The following GREB1L variants were observed in gnomAD, a reference collection of about 807,000 sequenced individuals.
GREB1L encodes GREB1 like retinoic acid receptor coactivator, also known as GREB1-like protein.
A neutral mutation model predicts 200.8 loss-of-function variants in GREB1L; 17 were observed. The ratio of observed to expected loss-of-function variants is 0.08; its 90% CI spans 0.06 to 0.13. The LOEUF is 0.13. Among genes scored for constraint, GREB1L ranks in the 10% least tolerant of loss-of-function variants. The probability of loss-of-function intolerance (pLI) is 1.00; values close to 1 mark genes in which losing one functional copy is unlikely to be tolerated. For missense variants in GREB1L, 1,657 were observed against 2,367.7 expected, an observed-to-expected ratio of 0.70 and a Z score of 6.23; for synonymous variants, 789 against 893.0, an observed-to-expected ratio of 0.88 and a Z score of 2.08.
chr18:21,372,186 T>C (rs986198263), intron 2 of GREB1L, among the ~76,000 whole-genome samples: 9 of 151,600 alleles, frequency 5.9e-5, no homozygotes, highest in Non-Finnish European at 1.3e-4. Flanking sequence ...TCTCGCTCTG[T>C]TGCCCAGGCT....
At chr18:21,307,487 G>A (rs1331649010) in intron 1 of GREB1L, among the ~76,000 whole-genome samples, 3 of 152,166 alleles carry the variant, frequency 2.0e-5, no homozygotes, top group Non-Finnish European at 4.4e-5. Flanking sequence ...CAGCAATACA[G>A]AATAAGAGTT....
intron 7 of GREB1L, among the ~76,000 whole-genome samples, chr18:21,404,223 A>G (rs979415494): frequency 6.6e-5 from 10 of 152,212 alleles, no homozygotes; most frequent in African/African-American, 2.4e-4. Context: ...GCTGGAGCCT[A>G]GGACCTCATT....
chr18:21,295,868 A>G (rs2038518769), intron 1 of GREB1L, among the ~76,000 whole-genome samples: 1 of 152,220 alleles, frequency 6.6e-6, no homozygotes, highest in African/African-American at 2.4e-5. Flanking sequence ...TTGGCTGCAC[A>G]TGAAAATCAC....
intron 1 of GREB1L, among the ~76,000 whole-genome samples, chr18:21,318,976 G>T (rs1567934947): frequency 1.3e-5 from 2 of 152,182 alleles, no homozygotes; most frequent in South Asian, 4.1e-4. Flanking sequence ...GAGGTCTATG[G>T]GGAGCTGCTT....
At chr18:21,288,369 A>C (rs1270268845) in intron 1 of GREB1L, among the ~76,000 whole-genome samples, 1 of 152,100 alleles carries the variant, frequency 6.6e-6, no homozygotes, top group Non-Finnish European at 1.5e-5. Context: ...CATTTGTGCC[A>C]CTGCAGGGCT....
intron 7 of GREB1L, among the ~76,000 whole-genome samples, chr18:21,410,071 T>G (rs1647262135): frequency 6.6e-6 from 1 of 152,166 alleles, no homozygotes; most frequent in Non-Finnish European, 1.5e-5. Context: ...CTTTATTAAT[T>G]TATTAATAGT....
chr18:21,467,791 A>G lies in GREB1L; in HGVS notation c.2183-5240A>G, dbSNP rs1380658700. Among the ~76,000 whole-genome samples, 9 of 152,266 alleles carry G rather than the reference A, an allele frequency of 5.9e-5. 1 individual carries two copies. The highest frequency in any genetic ancestry group is 3.9e-4 in the East Asian group (2 of 5,184). On this transcript the variant is annotated intron_variant, in intron 15 of 32. Coordinates refer to ENST00000424526, the MANE Select transcript of GREB1L (RefSeq NM_001142966.3). ...TGTAATCCCAGCACTTTGGGAGGCC[A>G]AGGCGGGCGGATCACAAGGTCAGGA... is the stretch of plus-strand genomic sequence containing the variant.
intron 1 of GREB1L, among the ~76,000 whole-genome samples, chr18:21,314,360 T>C (rs536713541): frequency 2.6e-5 from 4 of 152,084 alleles, no homozygotes; most frequent in African/African-American, 9.6e-5. Context: ...GCGTGGAAAC[T>C]TTCACAGTTT....
intron 2 of GREB1L, among the ~76,000 whole-genome samples, chr18:21,366,764 C>T (rs2039694854): frequency 6.6e-6 from 1 of 151,972 alleles, no homozygotes; most frequent in African/African-American, 2.4e-5. Flanking sequence ...GCTTAAATAG[C>T]CTGGCATTTC....
chr18:21,471,893 T>C (rs572061357), intron 15 of GREB1L, among the ~76,000 whole-genome samples: 65 of 152,134 alleles, frequency 4.3e-4, no homozygotes, highest in African/African-American at 1.5e-3. Context: ...AGTGCTGGAA[T>C]TACAGGCATG....
chr18:21,492,928 G>T (rs2036398278), intron 19 of GREB1L, among the ~76,000 whole-genome samples: 1 of 152,192 alleles, frequency 6.6e-6, no homozygotes, highest in East Asian at 1.9e-4. Context: ...TCCAGCCTGT[G>T]CAACAGAGTG....
chr18:21,374,452 A>T (rs992474330), intron 2 of GREB1L, among the ~76,000 whole-genome samples: 1 of 152,228 alleles, frequency 6.6e-6, no homozygotes, highest in African/African-American at 2.4e-5. Context: ...CAATCAGAGT[A>T]TAGGAAGTGC....
At chr18:21,445,754 A>G (rs922782998) in intron 11 of GREB1L, among the ~76,000 whole-genome samples, 3 of 152,228 alleles carry the variant, frequency 2.0e-5, no homozygotes, top group South Asian at 4.1e-4. Context: ...TTTGAAATTT[A>G]CAAGGCACCA....
intron 15 of GREB1L, among the ~76,000 whole-genome samples, chr18:21,468,376 A>G (rs1305676289): frequency 6.6e-6 from 1 of 152,126 alleles, no homozygotes; most frequent in Non-Finnish European, 1.5e-5. Context: ...TTGCCTAGGG[A>G]TGGGGGTGTT....
At chr18:21,399,453 T>TGGTTGGA (rs2041220148) in intron 5 of GREB1L, among the ~76,000 whole-genome samples, 5 of 146,086 alleles carry the variant, frequency 3.4e-5, no homozygotes, top group African/African-American at 1.3e-4. Context: ...GGATGGATGG[T>TGGTTGGA]TGGATGGATG....
rs74271353 is a variant in GREB1L, at chr18:21,377,265, GA to G, written c.-9-6234del. 9.8e-3 allele frequency among the ~76,000 whole-genome samples: 1,402 copies of G among 143,142 alleles called. 13 individuals carry two copies. The highest frequency in any genetic ancestry group is 0.015 in the Non-Finnish European group (990 of 65,080). 93.9% of individuals were successfully genotyped at this position (143,142 alleles called of 152,430 possible). A position where few individuals can be genotyped will look rare whatever the true frequency, so the allele number is the denominator to read the frequency against. ...AAAGTGGGGCTAGAGAGGTTGGAAG[GA>G]AAAAAAAAAAGAGTAGCTTGGGAAA... On this transcript the variant is annotated intron_variant, in intron 2 of 32. Coordinates refer to ENST00000424526, the MANE Select transcript of GREB1L (RefSeq NM_001142966.3).
intron 28 of GREB1L, among the ~76,000 whole-genome samples, chr18:21,514,383 C>T (rs1025938194): frequency 6.6e-6 from 1 of 152,132 alleles, no homozygotes; most frequent in Non-Finnish European, 1.5e-5. Context: ...AGCGTGGTGG[C>T]GCATGCCTGC....
intron 28 of GREB1L, among the ~76,000 whole-genome samples, chr18:21,514,674 C>A (rs2037354699): frequency 6.6e-6 from 1 of 152,172 alleles, no homozygotes; most frequent in African/African-American, 2.4e-5. Context: ...TGGGCTCAAG[C>A]AGTCCTCCTG....
At chr18:21,412,038 C>T (rs1279134306) in intron 7 of GREB1L, among the ~76,000 whole-genome samples, 1 of 120,002 alleles carries the variant, frequency 8.3e-6, no homozygotes, top group African/African-American at 3.4e-5. Context: ...GGCGACAGAG[C>T]GAGACTCCGT....
Sources: gnomAD v4.1 joint callset for allele counts (sites outside exome capture counted in the v4.1 genomes callset) on GRCh38, gnomAD v4.1.1 for gene constraint, MANE v1.5 for transcripts, NCBI Gene and HGNC (gene_info 2026-07-23, HGNC 2026-07-21) for gene names.